RPL6: variants seen among roughly 807,000 people sequenced by gnomAD.
RPL6 encodes the protein large ribosomal subunit protein eL6.
RPL6 carries 1 observed loss-of-function variant against 32.1 expected under a neutral mutation model. That is an observed-to-expected ratio of 0.03 (90% CI 0.01 to 0.15). RPL6 has a LOEUF of 0.15. RPL6 is among the 10% of genes least tolerant of loss of function. The pLI, the probability that RPL6 is intolerant of heterozygous loss-of-function variation, is 1.00. For missense variants in RPL6, 275 were observed against 354.6 expected (o/e 0.78, Z 1.80); for synonymous variants, 126 against 131.6 (o/e 0.96, Z 0.29).
At chr12:112,414,187 C>T (rs73209626), upstream of RPL6, among the ~76,000 whole-genome samples, 7,851 of 152,252 alleles carry the variant, frequency 0.052, 268 homozygotes, top group South Asian at 0.094. Context: ...AGCTAGAAGC[C>T]TTTAGAAACT....
chr12:112,414,051 A>G (rs2037373359), upstream of RPL6, among the ~76,000 whole-genome samples: 2 of 152,216 alleles, frequency 1.3e-5, no homozygotes, highest in African/African-American at 4.8e-5. Flanking sequence ...AAGTGAAAGA[A>G]TGTTTTCTGG....
intron 1 of RPL6, among the ~76,000 whole-genome samples, chr12:112,416,407 G>A (rs886189863): frequency 1.3e-5 from 2 of 152,126 alleles, no homozygotes; most frequent in African/African-American, 4.8e-5. Context: ...CCAAAGTGCT[G>A]GGATTACAGG....
rs1566139664 is a variant in RPL6 at position 112,405,856 on chromosome 12, T to C, written c.711A>G (p.Lys237=). Reference sequence around the variant, plus strand: ...GAGATGACAAGTAGAAACTTACCTCTTTTTCTGTGTCGAAGATCTCACCTT... The same window carrying C: ...GAGATGACAAGTAGAAACTTACCTCCTTTTCTGTGTCGAAGATCTCACCTT... ...HQEGEIFDTE[K]EKYEITEQRK... The change falls in exon 6 of 7, where the codon AAA becomes AAG. Residue 237 remains lysine, a synonymous_variant. Transcript: ENST00000202773. The C allele has an allele frequency of 3.0e-5, 48 of 1,610,316 alleles. No homozygotes were observed. Among genetic ancestry groups the C allele is most frequent in the Non-Finnish European group, 3.4e-5 (40 of 1,178,196 alleles).
At chr12:112,417,659 A>G (rs982675161) in intron 1 of RPL6, among the ~76,000 whole-genome samples, 1 of 135,688 alleles carries the variant, frequency 7.4e-6, no homozygotes, top group Non-Finnish European at 1.5e-5. Flanking sequence ...CTCCTGCCTC[A>G]GCCTCCCAAA....
intron 5 of RPL6, 112 bp downstream of exon 5, chr12:112,406,182 A>G (rs2037161119): frequency 2.5e-6 from 3 of 1,211,574 alleles, no homozygotes; most frequent in Non-Finnish European, 3.6e-6. Flanking sequence ...TGGGCCTCAG[A>G]CACTTGTGGC....
Position 112,408,234 on chromosome 12 carries a change from T to A in RPL6, c.336+6A>T. The A allele has an allele frequency of 6.2e-7, 1 of 1,610,278 alleles. No homozygotes were observed. The highest frequency in any genetic ancestry group is 1.7e-5 in the Admixed American group (1 of 59,950). The stretch of plus-strand genomic sequence containing the variant: ...GAAAATCCAATTTACAGTCCCCACA[T>A]CTTACCATTTTGCGAAGTTTAACCA... On this transcript the variant is annotated splice_donor_region_variant and intron_variant, in intron 3 of 6. Coordinates refer to ENST00000202773, the MANE Select transcript of RPL6 (RefSeq NM_000970.6).
intron 4 of RPL6, 105 bp downstream of exon 4, chr12:112,406,642 C>G: frequency 2.8e-6 from 4 of 1,436,736 alleles, no homozygotes; most frequent in Non-Finnish European, 3.7e-6. Context: ...TCCCCTTGCC[C>G]CAAACATAGG....
intron 1 of RPL6, among the ~76,000 whole-genome samples, chr12:112,416,214 A>T (rs1346714357): frequency 7.3e-6 from 1 of 136,480 alleles, no homozygotes; most frequent in Non-Finnish European, 1.5e-5. Flanking sequence ...ATCTTGGCTC[A>T]CTGCAAGCTC....
chr12:112,415,617 C>G (rs992418173), intron 1 of RPL6, among the ~76,000 whole-genome samples: 42 of 151,998 alleles, frequency 2.8e-4, no homozygotes, highest in African/African-American at 9.4e-4. Context: ...TTGGGAGGCT[C>G]AGGCAGGAGA....
upstream of RPL6, chr12:112,410,540 C>CATAAGTGT (rs1256847670): frequency 8.2e-6 from 1 of 122,376 alleles, no homozygotes; most frequent in Non-Finnish European, 1.6e-5. Flanking sequence ...GTAAATGCTA[C>CATAAGTGT]ATAAGTGTTA....
At chr12:112,418,075 G>A (rs1409056911) in intron 1 of RPL6, among the ~76,000 whole-genome samples, 1 of 151,678 alleles carries the variant, frequency 6.6e-6, no homozygotes, top group Admixed American at 6.6e-5. Flanking sequence ...TGCCTCCCGG[G>A]TTCAAGCGAT....
chr12:112,417,621 G>C (rs1024503443), intron 1 of RPL6, among the ~76,000 whole-genome samples: 4 of 134,030 alleles, frequency 3.0e-5, no homozygotes, highest in Non-Finnish European at 6.1e-5. Flanking sequence ...TGCCCAGGCT[G>C]GTCTTGAACT....
chr12:112,409,286 ACGCGC>A (rs1228281542), intron 1 of RPL6: 1 of 391,552 alleles, frequency 2.6e-6, no homozygotes, highest in Non-Finnish European at 4.5e-6. Flanking sequence ...AACACAGTGC[ACGCGC>A]CGTCTCCCCG....
upstream of RPL6, among the ~76,000 whole-genome samples, chr12:112,414,667 G>C (rs1475361059): frequency 6.6e-6 from 1 of 152,154 alleles, no homozygotes. Context: ...ACTTTGGGAG[G>C]CCGAGTCGGG....
chr12:112,405,366 A>G lies in RPL6; in HGVS notation c.725T>C (p.Ile242Thr), dbSNP rs1230989120. ...IFDTEKEKYE[I>T]TEQRKIDQKA... is the part of the protein sequence containing the mutation. Reference sequence around the variant, plus strand: ...CTGATCAATCTTGCGCTGCTCCGTAATCTCATATTTCTAAATAAAGAGAAA... The same window carrying G: ...CTGATCAATCTTGCGCTGCTCCGTAGTCTCATATTTCTAAATAAAGAGAAA... The change falls in exon 7 of 7, where the codon ATT (isoleucine) becomes ACT (threonine). Residue 242 changes from isoleucine (I) to threonine (T), a missense_variant. Transcript: ENST00000202773. 107 of 1,603,916 alleles carry G rather than the reference A, an allele frequency of 6.7e-5. No individual in the cohort carries two copies. Among genetic ancestry groups the G allele is most frequent in the Non-Finnish European group, 8.9e-5 (105 of 1,177,966 alleles).
chr12:112,414,790 A>G (rs1428511758), upstream of RPL6, among the ~76,000 whole-genome samples: 1 of 152,088 alleles, frequency 6.6e-6, no homozygotes, highest in Admixed American at 6.6e-5. Context: ...CTGTAGTCCC[A>G]GCTACTTGGG....
At chr12:112,407,490 G>A (rs969720287) in intron 3 of RPL6, 11 of 152,866 alleles carry the variant, frequency 7.2e-5, no homozygotes, top group African/African-American at 2.6e-4. Flanking sequence ...ATCACCTAAT[G>A]GGAAAACGAG....
chr12:112,408,901 T>C (rs1446856830), intron 1 of RPL6: 1 of 463,090 alleles, frequency 2.2e-6, no homozygotes, highest in Admixed American at 3.8e-5. Flanking sequence ...CTCACACCTA[T>C]TAGGTTTTTT....
At chr12:112,409,606 A>G, upstream of RPL6, 2 of 398,282 alleles carry the variant, frequency 5.0e-6, no homozygotes, top group East Asian at 3.6e-5. Context: ...TGGGAAAGAG[A>G]ATTAAGGTCC....
Sources: gnomAD v4.1 joint callset for allele counts (sites outside exome capture counted in the v4.1 genomes callset) on GRCh38, gnomAD v4.1.1 for gene constraint, MANE v1.5 for transcripts, NCBI Gene and HGNC (gene_info 2026-07-23, HGNC 2026-07-21) for gene names.